MIAT: variants seen among roughly 807,000 people sequenced by gnomAD.
The protein encoded by MIAT is myocardial infarction associated transcript, also known as MI related novel mRNA.
chr22:26,664,570 T>C (rs1930778764), intron 3 of MIAT, among the ~76,000 whole-genome samples: 1 of 152,210 alleles, frequency 6.6e-6, no homozygotes. Flanking sequence ...AGATTTTCCT[T>C]TTCTGGATAT....
intron 2 of MIAT, among the ~76,000 whole-genome samples, chr22:26,652,965 G>T (rs1377232854): frequency 6.6e-6 from 1 of 152,108 alleles, no homozygotes; most frequent in East Asian, 1.9e-4. Flanking sequence ...CTCGGGGCTT[G>T]CTCTTCCTAG....
At chr22:26,669,458 G>A (rs1371590907) in exon 6 of MIAT, 2 of 398,200 alleles carry the variant, frequency 5.0e-6, no homozygotes, top group East Asian at 3.6e-5. Context: ...GGGACAGAGA[G>A]CATGAGCAGG....
At chr22:26,671,375 T>C (rs992830127), downstream of MIAT, 8 of 398,776 alleles carry the variant, frequency 2.0e-5, no homozygotes, top group Non-Finnish European at 3.1e-5. Context: ...CCTCTGAAGC[T>C]GCAGCTGGAG....
At chr22:26,669,273 A>G in exon 6 of MIAT, 1 of 398,742 alleles carries the variant, frequency 2.5e-6, no homozygotes. Flanking sequence ...TTGGGCTGCC[A>G]CAGCACCATG....
intron 2 of MIAT, among the ~76,000 whole-genome samples, chr22:26,651,329 A>AC (rs1930332516): frequency 6.6e-6 from 1 of 152,194 alleles, no homozygotes; most frequent in Non-Finnish European, 1.5e-5. Context: ...CCCCTGATGG[A>AC]CCAGTCTCCA....
chr22:26,658,030 G>A (rs1012526254), intron 2 of MIAT, among the ~76,000 whole-genome samples: 6 of 114,410 alleles, frequency 5.2e-5, no homozygotes, highest in Admixed American at 3.7e-4. Flanking sequence ...CACCAGGTTA[G>A]CAATTAACTG....
At chr22:26,675,158 G>A in exon 5 of MIAT, 1 of 398,920 alleles carries the variant, frequency 2.5e-6, no homozygotes. Context: ...AATCCACCCT[G>A]TGGTGGCTTT....
intron 2 of MIAT, among the ~76,000 whole-genome samples, chr22:26,648,738 G>A (rs1287827192): frequency 6.6e-6 from 1 of 152,224 alleles, no homozygotes; most frequent in Non-Finnish European, 1.5e-5. Context: ...CACGCAGAAA[G>A]AACAGCAACT....
At chr22:26,672,863 T>G, downstream of MIAT, 2 of 398,560 alleles carry the variant, frequency 5.0e-6, no homozygotes, top group Non-Finnish European at 8.8e-6. Flanking sequence ...TTTCTCATAT[T>G]TGAAGGCCGG....
chr22:26,672,405 CAG>C (rs1931082602), downstream of MIAT: 3 of 399,308 alleles, frequency 7.5e-6, no homozygotes, highest in South Asian at 2.5e-4. Context: ...TAACAAGACT[CAG>C]AGGAGGAAGA....
At chr22:26,665,756 G>C in exon 4 of MIAT, 1 of 398,614 alleles carries the variant, frequency 2.5e-6, no homozygotes, top group East Asian at 3.6e-5. Context: ...CTACCTCTAT[G>C]GAAGAAAGAA....
At chr22:26,659,530 T>C (rs1013786390) in intron 2 of MIAT, among the ~76,000 whole-genome samples, 1 of 152,106 alleles carries the variant, frequency 6.6e-6, no homozygotes, top group African/African-American at 2.4e-5. Context: ...TAATTCTCTA[T>C]GCTTGCATTA....
chr22:26,670,541 G>A (rs896879974), downstream of MIAT: 8 of 304,552 alleles, frequency 2.6e-5, no homozygotes, highest in Non-Finnish European at 4.7e-5. Context: ...ATCTGGCTGA[G>A]ATGATACCCG....
chr22:26,666,493 G>C, exon 4 of MIAT: 3 of 398,662 alleles, frequency 7.5e-6, no homozygotes, highest in Non-Finnish European at 1.3e-5. Flanking sequence ...AGGCAGGAAG[G>C]GTTCCAGGGC....
chr22:26,676,065 G>A, exon 5 of MIAT: 1 of 398,594 alleles, frequency 2.5e-6, no homozygotes, highest in Non-Finnish European at 4.4e-6. Context: ...CTATGAGCAG[G>A]ATCTTAGAGC....
chr22:26,674,016 T>A, downstream of MIAT: 2 of 398,674 alleles, frequency 5.0e-6, no homozygotes, highest in Admixed American at 8.8e-5. Flanking sequence ...ACCTGTCTGG[T>A]GTCTACAGAG....
intron 5 of MIAT, chr22:26,667,353 T>TGTGTGTGTGTGTGTGTGTGC (rs1491414770): frequency 2.5e-6 from 1 of 395,710 alleles, no homozygotes; most frequent in African/African-American, 2.1e-5. Context: ...TGTGTGTGTG[T>TGTGTGTGTGTGTGTGTGTGC]GCGTGTGCAC....
intron 2 of MIAT, among the ~76,000 whole-genome samples, chr22:26,649,989 C>G (rs1312277123): frequency 6.6e-6 from 1 of 152,158 alleles, no homozygotes. Context: ...CGACAGTCTC[C>G]CAGAAGACCT....
chr22:26,652,055 G>A (rs544783908), intron 2 of MIAT, among the ~76,000 whole-genome samples: 2 of 152,156 alleles, frequency 1.3e-5, no homozygotes, highest in African/African-American at 4.8e-5. Context: ...GTGCAGTGGT[G>A]CAATCAGAGC....
Sources: allele counts gnomAD v4.1 joint callset (sites outside exome capture counted in the v4.1 genomes callset), GRCh38; gene constraint gnomAD v4.1.1; transcripts MANE v1.5; gene names NCBI Gene and HGNC (gene_info 2026-07-23, HGNC 2026-07-21).